The following MAN2A1 variants were observed in gnomAD, a reference collection of about 807,000 sequenced individuals.
The protein encoded by MAN2A1 is mannosidase alpha class 2A member 1.
A neutral mutation model predicts 142.6 loss-of-function variants in MAN2A1; 76 were observed. That is an observed-to-expected ratio of 0.53 (90% CI 0.44 to 0.65). The LOEUF is 0.65. MAN2A1 is among the 30% of genes least tolerant of loss of function. The probability of loss-of-function intolerance (pLI) is 0.00; values close to 1 mark genes in which losing one functional copy is unlikely to be tolerated. For synonymous variants in MAN2A1, 559 were observed against 473.2 expected, an observed-to-expected ratio of 1.18 and a Z score of -2.35; for missense variants, 1,311 against 1,365.1, an observed-to-expected ratio of 0.96 and a Z score of 0.62.
chr5:109,866,116 T>A (rs1336850485), intron 21 of MAN2A1, among the ~76,000 whole-genome samples: 2 of 152,188 alleles, frequency 1.3e-5, no homozygotes, highest in South Asian at 2.1e-4. Flanking sequence ...CCTACCCTGC[T>A]TGGAGCTGGT....
chr5:109,783,226 A>G (rs1407287360), intron 9 of MAN2A1, among the ~76,000 whole-genome samples: 2 of 152,150 alleles, frequency 1.3e-5, no homozygotes, highest in Non-Finnish European at 2.9e-5. Flanking sequence ...CTGCTGCATT[A>G]AAACAAACCA....
intron 16 of MAN2A1, among the ~76,000 whole-genome samples, 164 bp from the exon 17 acceptor site, chr5:109,842,164 A>C (rs1166310726): frequency 6.6e-6 from 1 of 152,222 alleles, no homozygotes; most frequent in Non-Finnish European, 1.5e-5. Flanking sequence ...TAGTTTTTAA[A>C]AAGAAAAGTT....
rs796988983 is a variant in MAN2A1, at chr5:109,833,484, A to T, written c.2567-8844A>T. On this transcript the variant is annotated intron_variant, in intron 16 of 21. Transcript: ENST00000261483. ...GGAGCTGGAGACCAGCCCGGCCAAC[A>T]CGGCAAAACCCCGTCTCCACCAAAA... 5.3e-5 allele frequency among the ~76,000 whole-genome samples: 8 copies of T among 152,294 alleles called. No individual in the cohort carries two copies. The South Asian group carries it at 1.7e-3, about 32-fold the overall frequency.
chr5:109,767,660 C>T lies in MAN2A1; in HGVS notation c.961C>T (p.His321Tyr), dbSNP rs1394699259. The T allele has an allele frequency of 1.2e-6, 2 of 1,613,534 alleles. No individual in the cohort carries two copies. The highest frequency in any genetic ancestry group is 1.7e-6 in the Non-Finnish European group (2 of 1,179,658). Reference sequence around the variant, plus strand: ...GAGAGTTCATTATGCAGTTAAAAAACACTTTGCACTGCATAAAACATTGGA... The same window carrying T: ...GAGAGTTCATTATGCAGTTAAAAAATACTTTGCACTGCATAAAACATTGGA... Reference protein sequence around the residue: ...IQRVHYAVKKHFALHKTLEFF... With the variant: ...IQRVHYAVKKYFALHKTLEFF... Residue 321 changes from histidine to tyrosine, a missense_variant, in exon 6 of 22, where the codon CAC becomes TAC. Around this residue, in one of 3 missense-constraint regions of MAN2A1, gnomAD observed 409 missense variants for 412.7 expected, o/e 0.99. Transcript: ENST00000261483.
chr5:109,702,199 T>A (rs765639756), intron 1 of MAN2A1, among the ~76,000 whole-genome samples: 1 of 152,124 alleles, frequency 6.6e-6, no homozygotes, highest in African/African-American at 2.4e-5. Flanking sequence ...GATAAGATGA[T>A]CAGAAGGAAG....
intron 1 of MAN2A1, among the ~76,000 whole-genome samples, chr5:109,695,452 C>T (rs1270259584): frequency 6.6e-6 from 1 of 152,148 alleles, no homozygotes; most frequent in African/African-American, 2.4e-5. Flanking sequence ...TAACTGAAAA[C>T]TTTAGTCTTT....
At chr5:109,799,917 A>G (rs1174103056) in intron 12 of MAN2A1, among the ~76,000 whole-genome samples, 2 of 151,880 alleles carry the variant, frequency 1.3e-5, no homozygotes, top group East Asian at 1.9e-4. Flanking sequence ...GTGAAACCCT[A>G]CCTCTACAGA....
rs966179630 is a variant in MAN2A1, at chr5:109,702,753, G to T, written c.136-10767G>T. 3.9e-5 allele frequency among the ~76,000 whole-genome samples: 6 copies of T among 152,110 alleles called. No homozygotes were observed. In the East Asian group the frequency reaches 1.2e-3, roughly 29 times the overall value. ...CTTAACTCATCTTTGATAACCAATG[G>T]TATGATATTTAGAAGTTTGCTATTA... On this transcript the variant is annotated intron_variant, in intron 1 of 21. Coordinates refer to ENST00000261483, the MANE Select transcript of MAN2A1 (RefSeq NM_002372.4).
At chr5:109,836,054 C>T (rs375431606) in intron 16 of MAN2A1, among the ~76,000 whole-genome samples, 16 of 151,854 alleles carry the variant, frequency 1.1e-4, no homozygotes, top group East Asian at 3.9e-4. Flanking sequence ...TCAGGCATGG[C>T]GTGTGTCGGG....
intron 17 of MAN2A1, among the ~76,000 whole-genome samples, chr5:109,842,823 T>TTTTTTTTTTTTTTTTG (rs1755245159): frequency 6.7e-6 from 1 of 149,034 alleles, no homozygotes; most frequent in Admixed American, 6.7e-5. Context: ...TTTTTTTTTT[T>TTTTTTTTTTTTTTTTG]GAGAAAGAGT....
intron 16 of MAN2A1, among the ~76,000 whole-genome samples, chr5:109,828,136 T>A (rs1280104512): frequency 2.7e-5 from 4 of 150,536 alleles, no homozygotes; most frequent in African/African-American, 7.3e-5. Context: ...AGAAAAAAAA[T>A]TTCTAATGAA....
chr5:109,815,462 A>G (rs1754428997), intron 12 of MAN2A1, among the ~76,000 whole-genome samples: 1 of 152,236 alleles, frequency 6.6e-6, no homozygotes, highest in Non-Finnish European at 1.5e-5. Context: ...ATGGAATCTC[A>G]GTGAACATAA....
chr5:109,784,385 C>T (rs887094065), intron 9 of MAN2A1, among the ~76,000 whole-genome samples: 3 of 152,062 alleles, frequency 2.0e-5, no homozygotes, highest in African/African-American at 7.2e-5. Flanking sequence ...GTGTGTGTTG[C>T]TCTTGGAGAG....
chr5:109,729,218 A>G (rs1284894096), intron 3 of MAN2A1, 124 bp from the exon 4 acceptor site: 10 of 559,532 alleles, frequency 1.8e-5, no homozygotes, highest in Non-Finnish European at 3.0e-5. Context: ...AACACCTGTT[A>G]AATTTAAAAA....
chr5:109,847,574 G>T, intron 18 of MAN2A1, 83 bp from the exon 19 acceptor site: 2 of 1,232,106 alleles, frequency 1.6e-6, no homozygotes, highest in South Asian at 4.7e-5. Flanking sequence ...AATACATCAT[G>T]ACTGCTACTT....
intron 13 of MAN2A1, among the ~76,000 whole-genome samples, chr5:109,819,400 C>T (rs2112724254): frequency 6.6e-6 from 1 of 152,230 alleles, no homozygotes; most frequent in Middle Eastern, 3.4e-3. Context: ...CTCTAAATTA[C>T]TTGTAACATC....
chr5:109,701,328 T>G (rs566635850), intron 1 of MAN2A1, among the ~76,000 whole-genome samples: 1 of 152,314 alleles, frequency 6.6e-6, no homozygotes, highest in Admixed American at 6.5e-5. Context: ...AGTACGGTGC[T>G]TATGAAGGCT....
At chr5:109,833,639 C>T (rs1376252598) in intron 16 of MAN2A1, among the ~76,000 whole-genome samples, 2 of 136,938 alleles carry the variant, frequency 1.5e-5, no homozygotes, top group South Asian at 2.6e-4. Context: ...GGCCTCTGCT[C>T]GGCATCAGAG....
chr5:109,831,501 A>G (rs1754905024), intron 16 of MAN2A1, among the ~76,000 whole-genome samples: 1 of 152,226 alleles, frequency 6.6e-6, no homozygotes, highest in South Asian at 2.1e-4. Flanking sequence ...TTTGTCCCTT[A>G]TATATTTTTT....
Sources: allele counts gnomAD v4.1 joint callset (sites outside exome capture counted in the v4.1 genomes callset), GRCh38; gene constraint gnomAD v4.1.1; regional missense constraint gnomAD v4.1.1; transcripts MANE v1.5; gene names NCBI Gene and HGNC (gene_info 2026-07-23, HGNC 2026-07-21).